Variants in EPB41L4A observed in about 807,000 individuals in gnomAD.
The protein encoded by EPB41L4A is band 4.1-like protein 4A.
A neutral mutation model predicts 108.6 loss-of-function variants in EPB41L4A; 100 were observed. The ratio of observed to expected loss-of-function variants is 0.92; its 90% CI spans 0.78 to 1.09. EPB41L4A has a LOEUF of 1.09. EPB41L4A is among the 50% of genes least tolerant of loss of function. EPB41L4A has a pLI of 0.00. For synonymous variants in EPB41L4A, 319 were observed against 289.0 expected, an observed-to-expected ratio of 1.10 and a Z score of -1.05; for missense variants, 1,030 against 842.7, an observed-to-expected ratio of 1.22 and a Z score of -2.75.
chr5:112,305,625 C>T (rs916510418), intron 2 of EPB41L4A, among the ~76,000 whole-genome samples: 9 of 152,070 alleles, frequency 5.9e-5, no homozygotes, highest in Admixed American at 1.3e-4. Flanking sequence ...TACAAAATTT[C>T]ATTACATTAT....
intron 1 of EPB41L4A, among the ~76,000 whole-genome samples, chr5:112,338,261 A>G (rs895635440): frequency 2.0e-5 from 3 of 152,104 alleles, no homozygotes; most frequent in Non-Finnish European, 4.4e-5. Context: ...CTAAACTGCT[A>G]CCTTCCCATA....
intron 1 of EPB41L4A, among the ~76,000 whole-genome samples, chr5:112,319,743 T>C (rs1580678027): frequency 1.3e-5 from 2 of 152,160 alleles, no homozygotes; most frequent in East Asian, 3.8e-4. Context: ...GAAAATGCAA[T>C]AAATAATTCT....
At chr5:112,190,918 C>G (rs1312999821) in intron 17 of EPB41L4A, among the ~76,000 whole-genome samples, 3 of 151,834 alleles carry the variant, frequency 2.0e-5, no homozygotes. Context: ...GCCCAGGAAA[C>G]AGAAAGGAAC....
intron 9 of EPB41L4A, among the ~76,000 whole-genome samples, chr5:112,243,206 C>T (rs1432873954): frequency 3.5e-5 from 5 of 144,906 alleles, no homozygotes; most frequent in Non-Finnish European, 1.5e-5. Context: ...AAGAATGAGA[C>T]TCTGTCTCGA....
chr5:112,354,273 G>T (rs1758235281), intron 1 of EPB41L4A, among the ~76,000 whole-genome samples: 1 of 152,210 alleles, frequency 6.6e-6, no homozygotes, highest in Non-Finnish European at 1.5e-5. Context: ...GACAGCTACA[G>T]GGGAAAACAA....
chr5:112,355,948 T>C (rs910387967), intron 1 of EPB41L4A, among the ~76,000 whole-genome samples: 5 of 152,226 alleles, frequency 3.3e-5, no homozygotes, highest in African/African-American at 7.2e-5. Flanking sequence ...TCGCATCTCA[T>C]GGATCCAGTA....
intron 17 of EPB41L4A, among the ~76,000 whole-genome samples, chr5:112,191,149 G>A (rs1379254034): frequency 2.6e-5 from 4 of 152,056 alleles, no homozygotes; most frequent in East Asian, 1.9e-4. Flanking sequence ...ATACCCAACC[G>A]GATTATGAGA....
chr5:112,370,291 C>A (rs1759405817), intron 1 of EPB41L4A, among the ~76,000 whole-genome samples: 1 of 151,708 alleles, frequency 6.6e-6, no homozygotes, highest in Admixed American at 6.6e-5. Flanking sequence ...CCTACCTTAG[C>A]CTCCCGAAGT....
chr5:112,331,471 C>A (rs537662007), intron 1 of EPB41L4A, among the ~76,000 whole-genome samples: 1 of 152,352 alleles, frequency 6.6e-6, no homozygotes, highest in East Asian at 1.9e-4. Context: ...GATCCCCCAA[C>A]TGAGTGTTCC....
upstream of EPB41L4A, chr5:112,419,372 A>G (rs543257791): frequency 7.9e-4 from 288 of 362,726 alleles, no homozygotes; most frequent in Middle Eastern, 1.9e-3. Context: ...CCTGGGGACG[A>G]CAAAAGTCTC....
chr5:112,311,901 A>G (rs1314214307), intron 1 of EPB41L4A, among the ~76,000 whole-genome samples: 4 of 152,222 alleles, frequency 2.6e-5, no homozygotes, highest in Non-Finnish European at 4.4e-5. Flanking sequence ...TGGAATAACT[A>G]GAGCAGGTAG....
At chr5:112,143,864 A>G (rs767732654) in exon 14 of EPB41L4A, 5 of 456,038 alleles carry the variant, frequency 1.1e-5, no homozygotes, top group South Asian at 7.8e-5. Context: ...ATAAACAGGG[A>G]GAAAGCAGAG....
chr5:112,243,197 A>C (rs1340752369), intron 9 of EPB41L4A, among the ~76,000 whole-genome samples: 1 of 151,840 alleles, frequency 6.6e-6, no homozygotes, highest in African/African-American at 2.4e-5. Flanking sequence ...CTGGGTGATA[A>C]GAATGAGACT....
At chr5:112,321,114 G>A (rs958592887) in intron 1 of EPB41L4A, among the ~76,000 whole-genome samples, 1 of 152,142 alleles carries the variant, frequency 6.6e-6, no homozygotes, top group Admixed American at 6.5e-5. Context: ...GTTTACATCA[G>A]GATGCTAGAT....
intron 2 of EPB41L4A, among the ~76,000 whole-genome samples, chr5:112,281,066 T>C (rs1752934176): frequency 1.3e-5 from 2 of 152,160 alleles, no homozygotes; most frequent in Admixed American, 1.3e-4. Flanking sequence ...GTCATTGCCA[T>C]GTAACTTAGG....
chr5:112,266,533 T>C (rs927325844), intron 4 of EPB41L4A, among the ~76,000 whole-genome samples: 3 of 152,176 alleles, frequency 2.0e-5, no homozygotes, highest in Non-Finnish European at 4.4e-5. Flanking sequence ...CGCTAAAAAG[T>C]GCGGCTTTCA....
intron 1 of EPB41L4A, among the ~76,000 whole-genome samples, chr5:112,418,474 C>T (rs762878957): frequency 6.6e-6 from 1 of 152,174 alleles, no homozygotes; most frequent in Non-Finnish European, 1.5e-5. Context: ...CGAACCCACG[C>T]AAAACAATCA....
chr5:112,242,559 C>T (rs1264941904), intron 9 of EPB41L4A, among the ~76,000 whole-genome samples: 2 of 152,206 alleles, frequency 1.3e-5, no homozygotes, highest in South Asian at 2.1e-4. Context: ...CTTTCAAACT[C>T]CTGCTAATCA....
At chr5:112,264,842 C>A in intron 6 of EPB41L4A, 54 bp downstream of exon 6, 1 of 1,550,836 alleles carries the variant, frequency 6.4e-7, no homozygotes, top group Non-Finnish European at 8.7e-7. Context: ...TTGTGAATAT[C>A]AGAAGATGAT....
Sources: allele counts gnomAD v4.1 joint callset (sites outside exome capture counted in the v4.1 genomes callset), GRCh38; gene constraint gnomAD v4.1.1; transcripts MANE v1.5; gene names NCBI Gene and HGNC (gene_info 2026-07-23, HGNC 2026-07-21).